Variants in ABCA3 observed in about 807,000 individuals in gnomAD.
The protein encoded by ABCA3 is phospholipid-transporting ATPase ABCA3.
In ABCA3, 88 loss-of-function variants were observed where a neutral mutation model predicts 172.8. That is an observed-to-expected ratio of 0.51 (90% CI 0.43 to 0.61). The LOEUF (loss-of-function observed/expected upper bound fraction) is 0.61, where lower values mean the gene tolerates loss of function less well. Among genes scored for constraint, ABCA3 ranks in the 20% least tolerant of loss-of-function variants. The pLI, the probability that ABCA3 is intolerant of heterozygous loss-of-function variation, is 0.00. For missense variants in ABCA3, 2,164 were observed against 2,301.0 expected (o/e 0.94, Z 1.22); for synonymous variants, 1,066 against 983.8 (o/e 1.08, Z -1.56).
intron 11 of ABCA3, among the ~76,000 whole-genome samples, chr16:2,307,054 A>AAAAGTGAG (rs2093699054): frequency 1.3e-5 from 2 of 151,488 alleles, no homozygotes; most frequent in Non-Finnish European, 1.5e-5. Flanking sequence ...AGAAAAGAAA[A>AAAAGTGAG]AAAGTGAGTC....
At position 2,304,788 on chromosome 16, in the gene ABCA3, G is replaced by C. The variant is rs570682888; in HGVS notation, c.1286-638C>G. ...CCTCCCGGGTTCACGCCATTCTCCT[G>C]CCTCAGCCTCCTGAGTAGCTGGGAC... On this transcript the variant is annotated intron_variant, in intron 11 of 32. Transcript: ENST00000301732. 2.9e-3 allele frequency among the ~76,000 whole-genome samples: 434 copies of C among 151,268 alleles called. 2 individuals carry two copies. Among genetic ancestry groups the C allele is most frequent in the African/African-American group, 0.01 (422 of 41,210 alleles).
chr16:2,333,352 T>C (rs2093746397), intron 1 of ABCA3, among the ~76,000 whole-genome samples: 1 of 152,186 alleles, frequency 6.6e-6, no homozygotes, highest in African/African-American at 2.4e-5. Flanking sequence ...AAGCCACAGG[T>C]GAACCGCCCC....
chr16:2,325,221 C>G (rs942742747), intron 5 of ABCA3, among the ~76,000 whole-genome samples: 7 of 152,214 alleles, frequency 4.6e-5, no homozygotes, highest in African/African-American at 1.7e-4. Flanking sequence ...TGGCACCACA[C>G]GGTCAAACTG....
chr16:2,307,016 CAAAAAAAAAAA>C (rs201661615), intron 11 of ABCA3, among the ~76,000 whole-genome samples: 2 of 65,992 alleles, frequency 3.0e-5, no homozygotes, highest in African/African-American at 7.3e-5. Flanking sequence ...GACTCCGTCT[CAAAAAAAAAAA>C]AAAAAAAAAA....
intron 7 of ABCA3, among the ~76,000 whole-genome samples, chr16:2,321,967 A>G (rs566620837): frequency 7.2e-5 from 11 of 152,150 alleles, no homozygotes; most frequent in Non-Finnish European, 1.0e-4. Flanking sequence ...TGGGAAGCCG[A>G]GGTGGGTGAA....
chr16:2,339,644 C>T (rs926513815), intron 1 of ABCA3, among the ~76,000 whole-genome samples: 4 of 152,220 alleles, frequency 2.6e-5, no homozygotes, highest in Non-Finnish European at 4.4e-5. Context: ...CGCGGGGTCT[C>T]GGCTACTCAC....
chr16:2,338,598 TCTC>T (rs1407939049), intron 1 of ABCA3, among the ~76,000 whole-genome samples: 4 of 152,050 alleles, frequency 2.6e-5, no homozygotes, highest in African/African-American at 4.8e-5. Context: ...TGGAGCCAAC[TCTC>T]CTCCACCTCT....
intron 3 of ABCA3, among the ~76,000 whole-genome samples, chr16:2,326,904 C>T (rs1315319332): frequency 6.6e-6 from 1 of 152,172 alleles, no homozygotes; most frequent in Non-Finnish European, 1.5e-5. Flanking sequence ...AGGAGAATCG[C>T]TTGAACCCGG....
At chr16:2,317,188 C>A (rs565271691) in intron 10 of ABCA3, 95 bp downstream of exon 10, 4 of 1,575,412 alleles carry the variant, frequency 2.5e-6, no homozygotes, top group Non-Finnish European at 3.5e-6. Context: ...CTCCACCAGG[C>A]CACTCTCCCT....
chr16:2,296,514 C>T lies in ABCA3; in HGVS notation c.2264-774G>A, dbSNP rs570314516. 1.6e-4 allele frequency among the ~76,000 whole-genome samples: 24 copies of T among 152,288 alleles called. No homozygotes were observed. In the East Asian group the frequency reaches 4.1e-3, roughly 26 times the overall value. ...CCTCCCAAAGTGCTGGGATTATAGG[C>T]GGTGAGCCACCACGCCTGGCCCCAT... On this transcript the variant is annotated intron_variant, in intron 17 of 32. Transcript: ENST00000301732.
intron 12 of ABCA3, among the ~76,000 whole-genome samples, chr16:2,302,325 TAGG>T (rs2093690844): frequency 1.3e-5 from 2 of 152,090 alleles, no homozygotes; most frequent in South Asian, 4.1e-4. Context: ...AGGTAATACT[TAGG>T]TAGAAATATA....
At chr16:2,298,685 G>A (rs2093684082) in intron 14 of ABCA3, 145 bp from the exon 15 acceptor site, 1 of 987,482 alleles carries the variant, frequency 1.0e-6, no homozygotes, top group East Asian at 2.6e-5. Flanking sequence ...CACTCCCACT[G>A]GGGTGGGCTT....
At chr16:2,306,572 T>G (rs1316860195) in intron 11 of ABCA3, among the ~76,000 whole-genome samples, 1 of 152,128 alleles carries the variant, frequency 6.6e-6, no homozygotes, top group African/African-American at 2.4e-5. Flanking sequence ...CAAATTCATG[T>G]GTTGGAGACT....
At chr16:2,308,428 G>C (rs777945776) in intron 11 of ABCA3, 22 bp downstream of exon 11, 1 of 1,613,970 alleles carries the variant, frequency 6.2e-7, no homozygotes, top group African/African-American at 1.3e-5. Context: ...GAAAGAACAG[G>C]CTGGACAAGG....
intron 10 of ABCA3, among the ~76,000 whole-genome samples, chr16:2,312,731 C>T (rs1044774375): frequency 6.6e-6 from 1 of 151,966 alleles, no homozygotes; most frequent in African/African-American, 2.4e-5. Flanking sequence ...GGGGTTTCAC[C>T]ATGTTGGCCA....
At chr16:2,290,677 A>G (rs1416216691) in intron 19 of ABCA3, among the ~76,000 whole-genome samples, 1 of 152,134 alleles carries the variant, frequency 6.6e-6, no homozygotes, top group African/African-American at 2.4e-5. Flanking sequence ...CCTGTGTGGG[A>G]CACAGGTCAG....
intron 1 of ABCA3, among the ~76,000 whole-genome samples, chr16:2,338,355 C>G (rs1165743714): frequency 6.6e-6 from 1 of 152,224 alleles, no homozygotes; most frequent in Non-Finnish European, 1.5e-5. Flanking sequence ...CACCCGGATA[C>G]CTTTCTCTAC....
intron 6 of ABCA3, 109 bp downstream of exon 6, chr16:2,324,295 C>T: frequency 6.9e-7 from 1 of 1,458,466 alleles, no homozygotes; most frequent in Non-Finnish European, 9.2e-7. Flanking sequence ...TGCAGGCAGG[C>T]AGAGGTTTAA....
At chr16:2,322,081 C>T (rs1311525700) in intron 7 of ABCA3, among the ~76,000 whole-genome samples, 1 of 151,824 alleles carries the variant, frequency 6.6e-6, no homozygotes, top group Non-Finnish European at 1.5e-5. Flanking sequence ...GCCTGTAATC[C>T]CAGCTACTTG....
Sources: gnomAD v4.1 joint callset for allele counts (sites outside exome capture counted in the v4.1 genomes callset) on GRCh38, gnomAD v4.1.1 for gene constraint, MANE v1.5 for transcripts, NCBI Gene and HGNC (gene_info 2026-07-23, HGNC 2026-07-21) for gene names.